CAMK2B: variants seen among roughly 807,000 people sequenced by gnomAD.
CAMK2B encodes calcium/calmodulin dependent protein kinase II beta, also known as calcium/calmodulin-dependent protein kinase type II subunit beta.
In CAMK2B, 27 loss-of-function variants were observed where a neutral mutation model predicts 93.7. The observed-to-expected ratio is 0.29, with a 90% confidence interval of 0.21 to 0.40. CAMK2B has a LOEUF of 0.40. Ranked by LOEUF, CAMK2B falls within the 10% of genes least tolerant of loss-of-function variation. CAMK2B has a pLI of 1.00. For missense variants in CAMK2B, 568 were observed against 895.8 expected, an observed-to-expected ratio of 0.63 and a Z score of 4.67; for synonymous variants, 374 against 358.8, an observed-to-expected ratio of 1.04 and a Z score of -0.48.
At chr7:44,257,867 G>A (rs1227285010) in intron 4 of CAMK2B, among the ~76,000 whole-genome samples, 2 of 152,276 alleles carry the variant, frequency 1.3e-5, no homozygotes, top group Non-Finnish European at 2.9e-5. Flanking sequence ...AGCTGAGAGG[G>A]CAGCCCCCAC....
intron 13 of CAMK2B, among the ~76,000 whole-genome samples, chr7:44,238,108 G>A (rs2128948974): frequency 6.6e-6 from 1 of 152,364 alleles, no homozygotes; most frequent in East Asian, 1.9e-4. Flanking sequence ...TCACTGCCGT[G>A]TGATATGGCT....
chr7:44,303,183 A>T (rs1224513405), intron 1 of CAMK2B, among the ~76,000 whole-genome samples: 1 of 152,190 alleles, frequency 6.6e-6, no homozygotes, highest in Non-Finnish European at 1.5e-5. Context: ...ATACTTAGGT[A>T]TAAATCTAAC....
chr7:44,229,311 G>A (rs968021300), intron 18 of CAMK2B, 77 bp downstream of exon 18: 37 of 942,804 alleles, frequency 3.9e-5, no homozygotes, highest in East Asian at 1.7e-4. Context: ...GCCTGCCCTC[G>A]GCTCTGGAGT....
intron 1 of CAMK2B, among the ~76,000 whole-genome samples, chr7:44,314,453 T>C (rs1048712203): frequency 6.6e-6 from 1 of 152,262 alleles, no homozygotes; most frequent in Non-Finnish European, 1.5e-5. Flanking sequence ...TGTCGGTGCT[T>C]ATTAGCATTT....
intron 5 of CAMK2B, among the ~76,000 whole-genome samples, chr7:44,249,310 G>A (rs1176960556): frequency 6.6e-6 from 1 of 152,242 alleles, no homozygotes; most frequent in Non-Finnish European, 1.5e-5. Flanking sequence ...CTCCCTGCAA[G>A]ACGGGAAGCC....
chr7:44,230,542 G>A (rs545602984), intron 17 of CAMK2B, among the ~76,000 whole-genome samples: 1 of 152,288 alleles, frequency 6.6e-6, no homozygotes, highest in African/African-American at 2.4e-5. Flanking sequence ...AATCTGTGGT[G>A]CAGAAACCCA....
intron 19 of CAMK2B, among the ~76,000 whole-genome samples, chr7:44,226,902 C>T (rs1411587509): frequency 2.9e-5 from 1 of 34,882 alleles, no homozygotes; most frequent in East Asian, 6.7e-4. Flanking sequence ...GAGAGGGAAA[C>T]GGGAAATGGA....
Position 44,263,009 on chromosome 7 carries a change from G to A in CAMK2B, c.216C>T (p.Asn72=). 1.2e-6 allele frequency: 2 copies of A among 1,613,236 alleles called. No individual in the cohort carries two copies. Among genetic ancestry groups the A allele is most frequent in the Non-Finnish European group, 1.7e-6 (2 of 1,179,464 alleles). The change falls in exon 3 of 24, where the codon AAC becomes AAT. Residue 72 remains asparagine (N), a synonymous_variant. Transcript: ENST00000395749. ...ARICRLLKHS[N]IVRLHDSISE... The stretch of plus-strand genomic sequence containing the variant: ...TCCCTACCCCAGGCTGCTCACCGAT[G>A]TTGGAATGCTTCAGAAGGCGGCAGA...
intron 6 of CAMK2B, among the ~76,000 whole-genome samples, chr7:44,244,230 GGCCCTGACACAGAGAGCAGT>G (rs1317990566): frequency 5.3e-5 from 8 of 152,196 alleles, no homozygotes; most frequent in African/African-American, 1.9e-4. Flanking sequence ...GGGTTACTCA[GGCCCTGACACAGAGAGCAGT>G]GCCCTTGCTC....
At chr7:44,324,817 C>T (rs896009881) in intron 1 of CAMK2B, among the ~76,000 whole-genome samples, 2 of 152,096 alleles carry the variant, frequency 1.3e-5, no homozygotes, top group Non-Finnish European at 1.5e-5. Context: ...AGGGGACCTA[C>T]AGCAGAGGCT....
intron 6 of CAMK2B, chr7:44,245,142 C>T (rs1028144456): frequency 8.2e-5 from 30 of 364,742 alleles, no homozygotes; most frequent in African/African-American, 5.3e-4. Flanking sequence ...AGAGAAGGAG[C>T]GTTAAGTGAA....
At chr7:44,220,994 A>G (rs1203036669) in intron 20 of CAMK2B, 93 bp from the exon 21 acceptor site, 1 of 1,027,116 alleles carries the variant, frequency 9.7e-7, no homozygotes, top group Non-Finnish European at 1.5e-6. Context: ...GGGGAGCGCG[A>G]GCTGCATCCA....
intron 2 of CAMK2B, among the ~76,000 whole-genome samples, chr7:44,276,599 C>A (rs1022197241): frequency 3.3e-5 from 5 of 152,056 alleles, no homozygotes; most frequent in African/African-American, 9.7e-5. Context: ...CCCCCCAAGA[C>A]AGAAGGGTCC....
intron 4 of CAMK2B, 39 bp from the exon 5 acceptor site, chr7:44,254,646 C>A: frequency 2.1e-6 from 3 of 1,452,258 alleles, no homozygotes; most frequent in Non-Finnish European, 1.9e-6. Context: ...ATTCTGGAGA[C>A]CCCTGTCACA....
At chr7:44,307,097 AT>A (rs1791993644) in intron 1 of CAMK2B, among the ~76,000 whole-genome samples, 3 of 6,010 alleles carry the variant, frequency 5.0e-4, no homozygotes, top group Non-Finnish European at 9.3e-4. Flanking sequence ...TGAGCAGGGG[AT>A]GGAGGGTGTG....
At chr7:44,229,573 A>C in intron 17 of CAMK2B, 72 bp from the exon 18 acceptor site, 5 of 289,738 alleles carry the variant, frequency 1.7e-5, no homozygotes, top group South Asian at 5.1e-5. Context: ...GGAGAAGGAC[A>C]GGGGGAGGCC....
At chr7:44,285,964 C>T (rs1370678045) in intron 1 of CAMK2B, among the ~76,000 whole-genome samples, 2 of 151,866 alleles carry the variant, frequency 1.3e-5, no homozygotes, top group African/African-American at 2.4e-5. Flanking sequence ...GCATCAGTTA[C>T]GTTCTCATAA....
At chr7:44,293,557 C>T (rs1787438792) in intron 1 of CAMK2B, among the ~76,000 whole-genome samples, 2 of 152,194 alleles carry the variant, frequency 1.3e-5, no homozygotes, top group South Asian at 4.1e-4. Context: ...GGCAATTTTT[C>T]CACAGACTGG....
At position 44,312,654 on chromosome 7, in the gene CAMK2B, A is replaced by T. The variant is rs754920930; in HGVS notation, c.65+12703T>A. ...GGAGGAAAAGTGGAAACATGAAGTGAGAAAAAGAGAGGGAGAGAAACAGAG... is the reference window on the plus strand; with the variant it reads ...GGAGGAAAAGTGGAAACATGAAGTGTGAAAAAGAGAGGGAGAGAAACAGAG... On this transcript the variant is annotated intron_variant, in intron 1 of 23. Coordinates refer to ENST00000395749, the MANE Select transcript of CAMK2B (RefSeq NM_001220.5). This position sits in a 1 kb window ranked among gnomAD's most constrained non-coding sequence, Gnocchi z 4.1. Among the ~76,000 whole-genome samples the T allele has an allele frequency of 3.4e-4, 52 of 152,312 alleles. No homozygotes were observed. Among genetic ancestry groups the T allele is most frequent in the Non-Finnish European group, 6.2e-4 (42 of 68,032 alleles).
Sources: allele counts gnomAD v4.1 joint callset (sites outside exome capture counted in the v4.1 genomes callset), GRCh38; gene constraint gnomAD v4.1.1; non-coding constraint Gnocchi (gnomAD v3.1); transcripts MANE v1.5; gene names NCBI Gene and HGNC (gene_info 2026-07-23, HGNC 2026-07-21).